Variants in TMC1 observed in about 807,000 individuals in gnomAD.
TMC1 encodes the protein transmembrane channel like 1, also known as transmembrane channel-like protein 1.
TMC1 carries 84 observed loss-of-function variants against 105.8 expected under a neutral mutation model. The ratio of observed to expected loss-of-function variants is 0.79; its 90% CI spans 0.67 to 0.95. TMC1 has a LOEUF of 0.95. TMC1 is among the 40% of genes least tolerant of loss of function. TMC1 has a pLI of 0.00. For synonymous variants in TMC1, 315 were observed against 311.5 expected (o/e 1.01, Z -0.12); for missense variants, 817 against 914.1 (o/e 0.89, Z 1.37).
chr9:72,648,524 C>A, intron 4 of TMC1, 73 bp from the exon 5 acceptor site: 1 of 831,068 alleles, frequency 1.2e-6, no homozygotes, highest in Non-Finnish European at 2.1e-6. Flanking sequence ...ACCAGGGGAG[C>A]ACTTTCAGTG....
Position 72,821,657 on chromosome 9 carries a change from T to A in TMC1, c.2003+576T>A, listed in dbSNP as rs1212762684. 2.6e-5 allele frequency among the ~76,000 whole-genome samples: 4 copies of A among 152,352 alleles called. No individual in the cohort carries two copies. In the East Asian group the frequency reaches 7.7e-4, roughly 29 times the overall value. On this transcript the variant is annotated intron_variant, in intron 20 of 23. Transcript: ENST00000297784. ...TTCCAGGCTCTGCCTGGGTAAAATA[T>A]GTATGGTGAATCTGAGCTGTTTCCA...
At chr9:72,697,931 GTAATT>G (rs1232858616) in intron 7 of TMC1, among the ~76,000 whole-genome samples, 1 of 151,758 alleles carries the variant, frequency 6.6e-6, no homozygotes, top group Admixed American at 6.6e-5. Flanking sequence ...TGCTATCTAT[GTAATT>G]TAAAGTTATT....
intron 2 of TMC1, among the ~76,000 whole-genome samples, chr9:72,606,045 G>C (rs1196339343): frequency 6.6e-6 from 1 of 152,064 alleles, no homozygotes; most frequent in Non-Finnish European, 1.5e-5. Flanking sequence ...TGGTGGGGGG[G>C]TTAGGATGTC....
intron 6 of TMC1, 26 bp downstream of exon 6, chr9:72,688,782 T>C (rs748339266): frequency 6.3e-7 from 1 of 1,586,072 alleles, no homozygotes; most frequent in Non-Finnish European, 8.6e-7. Context: ...CCACTTGGGA[T>C]ACATTTCCTA....
chr9:72,836,255 T>A lies in TMC1; in HGVS notation c.*282T>A. 2.0e-6 allele frequency: 1 copy of A among 497,792 alleles called. No homozygotes were observed. The highest frequency in any genetic ancestry group is 2.7e-5 in the South Asian group (1 of 37,248). The allele number at this position is 497,792 out of a possible 1,614,324, so 30.8% of individuals were successfully genotyped here. Reference sequence around the variant, plus strand: ...TTTTTTAACAAATTGAGTTTAGAAGTGAGTGTAATCCAGCAATACAGTTTA... The same window carrying A: ...TTTTTTAACAAATTGAGTTTAGAAGAGAGTGTAATCCAGCAATACAGTTTA... On this transcript the variant is annotated 3_prime_UTR_variant, in exon 24 of 24. Transcript: ENST00000297784.
At chr9:72,699,420 T>G (rs1345609157) in intron 7 of TMC1, among the ~76,000 whole-genome samples, 1 of 152,168 alleles carries the variant, frequency 6.6e-6, no homozygotes, top group African/African-American at 2.4e-5. Context: ...AGATTTTTAT[T>G]TTTCCCGATT....
chr9:72,572,083 G>A (rs1301950663), intron 1 of TMC1, among the ~76,000 whole-genome samples: 4 of 152,148 alleles, frequency 2.6e-5, no homozygotes, highest in Admixed American at 2.6e-4. Flanking sequence ...TGATCTGCCC[G>A]CCTGGGCCTC....
At chr9:72,742,212 C>G (rs1827399917) in intron 9 of TMC1, among the ~76,000 whole-genome samples, 1 of 152,104 alleles carries the variant, frequency 6.6e-6, no homozygotes, top group Non-Finnish European at 1.5e-5. Context: ...AGCATATTTT[C>G]CATAAAACAG....
At chr9:72,713,009 T>C (rs1826860326) in intron 8 of TMC1, among the ~76,000 whole-genome samples, 1 of 152,204 alleles carries the variant, frequency 6.6e-6, no homozygotes, top group South Asian at 2.1e-4. Flanking sequence ...GTTGAAGGCC[T>C]TTTCTGCATC....
intron 2 of TMC1, among the ~76,000 whole-genome samples, chr9:72,590,293 G>A (rs1824616285): frequency 6.6e-6 from 1 of 152,212 alleles, no homozygotes; most frequent in Non-Finnish European, 1.5e-5. Context: ...CCTTGAAGCA[G>A]ATTGCAATTT....
intron 8 of TMC1, among the ~76,000 whole-genome samples, chr9:72,716,609 C>G (rs1006053086): frequency 6.6e-6 from 1 of 152,164 alleles, no homozygotes; most frequent in Non-Finnish European, 1.5e-5. Context: ...AGACGTCCCT[C>G]CCCCCACCAA....
rs192635873 is a variant in TMC1 at position 72,543,992 on chromosome 9, C to A, written c.-428+22079C>A. 2.2e-3 allele frequency among the ~76,000 whole-genome samples: 320 copies of A among 145,972 alleles called. 3 individuals are homozygous for A. The highest frequency in any genetic ancestry group is 7.9e-3 in the African/African-American group (308 of 38,896). On this transcript the variant is annotated intron_variant, in intron 1 of 23. Transcript: ENST00000297784. ...TTTGAGATGGAGTCTCGTTCTTTCACCCAGGCTGGAGTGCAGTGGCGTGAT... is the reference window on the plus strand; with the variant it reads ...TTTGAGATGGAGTCTCGTTCTTTCAACCAGGCTGGAGTGCAGTGGCGTGAT...
intron 1 of TMC1, among the ~76,000 whole-genome samples, chr9:72,532,541 C>CAAAAAAAAAAAA: frequency 1.3e-5 from 1 of 75,524 alleles, no homozygotes; most frequent in Non-Finnish European, 2.6e-5. Context: ...GACTCCGTCT[C>CAAAAAAAAAAAA]AAAAAAAAAA....
At chr9:72,543,953 T>TTTC (rs369430154) in intron 1 of TMC1, among the ~76,000 whole-genome samples, 4 of 119,532 alleles carry the variant, frequency 3.3e-5, no homozygotes, top group African/African-American at 7.2e-5. Flanking sequence ...TCTTTCTTTC[T>TTTC]TTTTTTTTTT....
chr9:72,737,957 AT>A (rs1445444760), intron 8 of TMC1, among the ~76,000 whole-genome samples: 1 of 152,234 alleles, frequency 6.6e-6, no homozygotes, highest in East Asian at 1.9e-4. Context: ...GAGAAGATTA[AT>A]GATAAAGGGT....
chr9:72,769,025 G>A (rs1024439332), intron 12 of TMC1, among the ~76,000 whole-genome samples: 8 of 151,962 alleles, frequency 5.3e-5, no homozygotes, highest in Admixed American at 1.3e-4. Context: ...TCACTGAGAA[G>A]GTATGGCACT....
At chr9:72,529,991 G>A (rs979263174) in intron 1 of TMC1, among the ~76,000 whole-genome samples, 3 of 152,128 alleles carry the variant, frequency 2.0e-5, no homozygotes, top group Non-Finnish European at 2.9e-5. Flanking sequence ...AGAGGCCCAC[G>A]AAATCAGGTC....
At chr9:72,659,409 C>T (rs998491366) in intron 5 of TMC1, among the ~76,000 whole-genome samples, 2 of 152,086 alleles carry the variant, frequency 1.3e-5, no homozygotes, top group African/African-American at 2.4e-5. Context: ...CCAAGGTGGG[C>T]AGATTACTTG....
intron 12 of TMC1, among the ~76,000 whole-genome samples, chr9:72,761,987 T>C (rs571680672): frequency 3.9e-5 from 6 of 152,168 alleles, no homozygotes; most frequent in Non-Finnish European, 8.8e-5. Flanking sequence ...AAAATTATGT[T>C]ACATGCAGGA....
Sources: gnomAD v4.1 joint callset for allele counts (sites outside exome capture counted in the v4.1 genomes callset) on GRCh38, gnomAD v4.1.1 for gene constraint, MANE v1.5 for transcripts, NCBI Gene and HGNC (gene_info 2026-07-23, HGNC 2026-07-21) for gene names.